PSIP1: variants seen among roughly 807,000 people sequenced by gnomAD.
PSIP1 encodes PC4 and SFRS1-interacting protein.
PSIP1 carries 19 observed loss-of-function variants against 74.7 expected under a neutral mutation model. The ratio of observed to expected loss-of-function variants is 0.25; its 90% CI spans 0.18 to 0.37. The LOEUF is 0.37. Ranked by LOEUF, PSIP1 falls within the 10% of genes least tolerant of loss-of-function variation. The probability of loss-of-function intolerance (pLI) is 1.00; values close to 1 mark genes in which losing one functional copy is unlikely to be tolerated. For synonymous variants in PSIP1, 222 were observed against 195.3 expected (o/e 1.14, Z -1.14); for missense variants, 601 against 614.3 (o/e 0.98, Z 0.23).
chr9:15,480,730 T>C (rs2036299838), intron 6 of PSIP1, among the ~76,000 whole-genome samples: 1 of 152,232 alleles, frequency 6.6e-6, no homozygotes, highest in Admixed American at 6.5e-5. Flanking sequence ...ATGACCAGCC[T>C]GGCCAACACG....
intron 4 of PSIP1, among the ~76,000 whole-genome samples, chr9:15,489,645 A>G (rs1007503270): frequency 2.6e-5 from 4 of 151,566 alleles, no homozygotes; most frequent in African/African-American, 9.7e-5. Flanking sequence ...TAATTAATTA[A>G]TTAAAGAGAA....
In PSIP1 at chr9:15,468,848, GA is replaced by G. The variant is rs1485093955; in HGVS notation, c.1207-6del. 6.2e-7 allele frequency: 1 copy of G among 1,611,714 alleles called. No individual in the cohort carries two copies. The highest frequency in any genetic ancestry group is 8.5e-7 in the Non-Finnish European group (1 of 1,178,240). ...ACTAACTTTGAATCGCCGTATCTGA[GA>G]AAACAATATACATTCATCATAATTG... On this transcript the variant is annotated splice_region_variant and splice_polypyrimidine_tract_variant and intron_variant, in intron 13 of 15. Coordinates refer to ENST00000380733, the MANE Select transcript of PSIP1 (RefSeq NM_033222.5).
intron 4 of PSIP1, among the ~76,000 whole-genome samples, chr9:15,488,282 G>T (rs2036644417): frequency 6.6e-6 from 1 of 152,018 alleles, no homozygotes; most frequent in Non-Finnish European, 1.5e-5. Flanking sequence ...AGTGAGCCGA[G>T]ATCACGCCAC....
At chr9:15,507,856 C>T (rs1429731634) in intron 2 of PSIP1, among the ~76,000 whole-genome samples, 1 of 152,170 alleles carries the variant, frequency 6.6e-6, no homozygotes, top group East Asian at 1.9e-4. Flanking sequence ...GGCTTTCACA[C>T]ACCAACAGAA....
Position 15,466,876 on chromosome 9 carries a change from A to G in PSIP1, c.1421-17T>C, listed in dbSNP as rs374759500. On this transcript the variant is annotated splice_polypyrimidine_tract_variant and intron_variant, in intron 14 of 15. Transcript: ENST00000380733. ...TCTTTGACCCTTGCGAAGGAATCCA[A>G]TGGAAAAACTTTGTTAAAGCTTACA... The G allele has an allele frequency of 6.3e-7, 1 of 1,587,284 alleles. No homozygotes were observed. The highest frequency in any genetic ancestry group is 8.6e-7 in the Non-Finnish European group (1 of 1,162,356).
intron 15 of PSIP1, 84 bp downstream of exon 15, chr9:15,466,664 T>A (rs930953616): frequency 9.5e-7 from 1 of 1,050,908 alleles, no homozygotes; most frequent in Non-Finnish European, 1.4e-6. Context: ...CTGCTTATTA[T>A]AGTAAGATAA....
chr9:15,469,701 C>G (rs918902424), intron 11 of PSIP1, among the ~76,000 whole-genome samples: 10 of 152,082 alleles, frequency 6.6e-5, no homozygotes, highest in Non-Finnish European at 2.9e-5. Flanking sequence ...AGCAAGTGTA[C>G]TAAAATTTGA....
intron 3 of PSIP1, among the ~76,000 whole-genome samples, chr9:15,493,644 TG>T (rs1200100594): frequency 6.6e-6 from 1 of 152,190 alleles, no homozygotes; most frequent in African/African-American, 2.4e-5. Context: ...TCCGCATGGC[TG>T]GGGAGGCCTC....
chr9:15,492,620 G>A (rs376996945), intron 3 of PSIP1, among the ~76,000 whole-genome samples: 4 of 152,110 alleles, frequency 2.6e-5, no homozygotes, highest in South Asian at 4.1e-4. Flanking sequence ...GTGCGGACTC[G>A]GTGTCGGGGA....
chr9:15,506,486 C>A, intron 3 of PSIP1, 75 bp downstream of exon 3: 1 of 1,032,736 alleles, frequency 9.7e-7, no homozygotes, highest in South Asian at 1.5e-5. Context: ...ACGATTTCCC[C>A]CTTGAATTAA....
intron 3 of PSIP1, among the ~76,000 whole-genome samples, chr9:15,500,413 G>A (rs947947163): frequency 2.6e-5 from 4 of 152,022 alleles, no homozygotes; most frequent in South Asian, 2.1e-4. Flanking sequence ...TGCTTTGAGC[G>A]GAGATTGCGC....
Position 15,465,516 on chromosome 9 carries a change from C to A in PSIP1, c.*4G>T. On this transcript the variant is annotated 3_prime_UTR_variant, in exon 16 of 16. Transcript: ENST00000380733. ...AGTGTTCTCTATATTCCAGGTATGTCAACCTAGTTATCTAGTGTAGAATCC... is the reference window on the plus strand; with the variant it reads ...AGTGTTCTCTATATTCCAGGTATGTAAACCTAGTTATCTAGTGTAGAATCC... The A allele has an allele frequency of 6.5e-7, 1 of 1,547,036 alleles. No individual in the cohort carries two copies. The highest frequency in any genetic ancestry group is 1.2e-5 in the South Asian group (1 of 86,622).
chr9:15,481,733 C>G (rs1442323027), intron 6 of PSIP1, among the ~76,000 whole-genome samples: 1 of 151,954 alleles, frequency 6.6e-6, no homozygotes, highest in African/African-American at 2.4e-5. Context: ...AAGGAGGTAC[C>G]AATAAGTGTA....
intron 3 of PSIP1, chr9:15,491,953 C>T (rs1358186066): frequency 2.0e-5 from 3 of 152,174 alleles, no homozygotes; most frequent in Non-Finnish European, 4.4e-5. Context: ...TGGGGGAAAC[C>T]ACCTCCATCA....
At chr9:15,468,444 A>G (rs1447159556) in intron 14 of PSIP1, 186 bp downstream of exon 14, 1 of 778,984 alleles carries the variant, frequency 1.3e-6, no homozygotes, top group Non-Finnish European at 2.3e-6. Context: ...AACTGACATG[A>G]TTTTTTGTTC....
At chr9:15,488,886 TGGCG>T (rs2036689008) in intron 4 of PSIP1, among the ~76,000 whole-genome samples, 1 of 151,696 alleles carries the variant, frequency 6.6e-6, no homozygotes, top group South Asian at 2.1e-4. Context: ...CCGGGTGTGG[TGGCG>T]GGCACCTGTA....
rs761302611 is a variant in PSIP1 at position 15,468,711 on chromosome 9, G to C, written c.1339C>G (p.Gln447Glu). ...TQVLNKSLAEQRQHEEANKTK... is the reference protein window; with the variant it reads ...TQVLNKSLAEERQHEEANKTK... ...TTATTCGCTTCCTCATGCTGTCTTT[G>C]TTCAGCAAGAGATTTATTCAGCACT... The change falls in exon 14 of 16, where the codon CAA becomes GAA. Residue 447 changes from glutamine (Q) to glutamate (E), a missense_variant. This residue lies in a region of PSIP1 where 538 missense variants were observed against 507.6 expected (regional missense o/e 1.06). Transcript: ENST00000380733. 1.2e-6 allele frequency: 2 copies of C among 1,613,902 alleles called. No homozygotes were observed. The highest frequency in any genetic ancestry group is 1.7e-6 in the Non-Finnish European group (2 of 1,179,970).
At chr9:15,475,875 A>T (rs1043114352) in intron 8 of PSIP1, among the ~76,000 whole-genome samples, 5 of 152,200 alleles carry the variant, frequency 3.3e-5, no homozygotes, top group African/African-American at 1.2e-4. Context: ...TAAATTTCTT[A>T]ATCTTTTAAT....
Position 15,468,300 on chromosome 9 carries a change from C to T in PSIP1, c.1420+330G>A. On this transcript the variant is annotated intron_variant, in intron 14 of 15. Coordinates refer to ENST00000380733, the MANE Select transcript of PSIP1 (RefSeq NM_033222.5). ...TTTTACTTTTTAGGTGAGAAGAAAA[C>T]AGAAGCAGCTGAGCAACCAGGAAGT... 5 of 561,742 alleles carry T rather than the reference C, an allele frequency of 8.9e-6. No individual in the cohort carries two copies. In the Admixed American group the frequency reaches 9.5e-5, roughly 11 times the overall value. 34.8% of individuals were successfully genotyped at this position (561,742 alleles called of 1,614,324 possible).
Sources: gnomAD v4.1 joint callset for allele counts (sites outside exome capture counted in the v4.1 genomes callset) on GRCh38, gnomAD v4.1.1 for gene constraint, gnomAD v4.1.1 regional missense constraint, MANE v1.5 for transcripts, NCBI Gene and HGNC (gene_info 2026-07-23, HGNC 2026-07-21) for gene names.